The following ASCL5 variants were observed in gnomAD, a reference collection of about 807,000 sequenced individuals.
The protein encoded by ASCL5 is achaete-scute family bHLH transcription factor 5, also known as achaete-scute homolog 5.
For missense variants in ASCL5, 262 were observed against 268.9 expected, an observed-to-expected ratio of 0.97 and a Z score of 0.18; for synonymous variants, 124 against 131.5, an observed-to-expected ratio of 0.94 and a Z score of 0.39.
At chr1:201,121,943 C>T (rs1470965936) in intron 1 of ASCL5, among the ~76,000 whole-genome samples, 1 of 152,204 alleles carries the variant, frequency 6.6e-6, no homozygotes, top group Non-Finnish European at 1.5e-5. Flanking sequence ...CTCACCACCC[C>T]CACCATATAC....
intron 1 of ASCL5, among the ~76,000 whole-genome samples, chr1:201,125,255 A>G (rs1009991564): frequency 6.6e-6 from 1 of 152,174 alleles, no homozygotes; most frequent in Non-Finnish European, 1.5e-5. Context: ...AGTGCTCAGT[A>G]ATCAACAGCT....
intron 1 of ASCL5, among the ~76,000 whole-genome samples, chr1:201,124,698 C>A (rs1034608302): frequency 6.6e-6 from 1 of 152,176 alleles, no homozygotes; most frequent in African/African-American, 2.4e-5. Flanking sequence ...GGAGGGGAGA[C>A]GGTGCCCGTA....
At chr1:201,122,254 C>A (rs536713492) in intron 1 of ASCL5, among the ~76,000 whole-genome samples, 534 of 152,326 alleles carry the variant, frequency 3.5e-3, no homozygotes, top group Non-Finnish European at 5.5e-3. Context: ...GGTTTGGAAA[C>A]CTCTGTTGCT....
At chr1:201,122,795 C>T (rs774933965) in intron 1 of ASCL5, among the ~76,000 whole-genome samples, 2 of 152,116 alleles carry the variant, frequency 1.3e-5, no homozygotes, top group Non-Finnish European at 2.9e-5. Flanking sequence ...ACCCTGAGCA[C>T]GGGCTTTAGA....
chr1:201,121,377 T>TG (rs899788639), intron 1 of ASCL5, among the ~76,000 whole-genome samples: 4 of 152,064 alleles, frequency 2.6e-5, no homozygotes, highest in African/African-American at 9.7e-5. Flanking sequence ...GAGGCCGAGG[T>TG]GGGGGGATCG....
At chr1:201,117,857 A>G in intron 1 of ASCL5, among the ~76,000 whole-genome samples, 1 of 152,126 alleles carries the variant, frequency 6.6e-6, no homozygotes. Flanking sequence ...CTCAGGTAAC[A>G]CCTATCAGTC....
At chr1:201,121,386 C>T (rs778380737) in intron 1 of ASCL5, among the ~76,000 whole-genome samples, 1 of 152,116 alleles carries the variant, frequency 6.6e-6, no homozygotes, top group African/African-American at 2.4e-5. Context: ...GTGGGGGGAT[C>T]GCTTGAGCCC....
At position 201,114,909 on chromosome 1, in the gene ASCL5, G is replaced by A; in HGVS notation, c.464C>T (p.Pro155Leu). ...GSTPPASRGL[P>L]GTGPCPAPPA... ...CGGCGCGGGGCAGGGCCCGGTGCCC[G>A]GGAGGCCGCGGGAAGCGGGGGGCGT... Residue 155 changes from proline (P) to leucine (L), a missense_variant, in exon 2 of 2, where the codon CCG (proline) becomes CTG (leucine). Physicochemically the swap from Pro to Leu is moderately conservative, Grantham distance 98. Coordinates refer to ENST00000449188, the MANE Select transcript of ASCL5 (RefSeq NM_001270601.2). 1.6e-6 allele frequency: 2 copies of A among 1,230,262 alleles called. No homozygotes were observed. Among genetic ancestry groups the A allele is most frequent in the Non-Finnish European group, 2.0e-6 (2 of 986,976 alleles). The allele number at this position is 1,230,262 out of a possible 1,614,324, so 76.2% of individuals were successfully genotyped here.
At chr1:201,122,417 A>G (rs1426572745) in intron 1 of ASCL5, among the ~76,000 whole-genome samples, 1 of 152,186 alleles carries the variant, frequency 6.6e-6, no homozygotes, top group African/African-American at 2.4e-5. Context: ...CGCGTGGATT[A>G]GGTGCCCTCT....
chr1:201,124,225 G>C (rs930469517), intron 1 of ASCL5, among the ~76,000 whole-genome samples: 3 of 152,234 alleles, frequency 2.0e-5, no homozygotes, highest in African/African-American at 7.2e-5. Context: ...AGAAATTCAA[G>C]CTGTGCCTGA....
intron 1 of ASCL5, among the ~76,000 whole-genome samples, chr1:201,124,383 T>A (rs1170785271): frequency 6.6e-6 from 1 of 152,164 alleles, no homozygotes; most frequent in Non-Finnish European, 1.5e-5. Flanking sequence ...ACACCCATCG[T>A]CATTGTTGTC....
chr1:201,126,714 C>A (rs11802084), intron 1 of ASCL5, among the ~76,000 whole-genome samples: 6,764 of 152,290 alleles, frequency 0.044, 200 homozygotes, highest in East Asian at 0.14. Context: ...CGGGCCATCT[C>A]TCCTGTGGCC....
intron 1 of ASCL5, among the ~76,000 whole-genome samples, chr1:201,124,376 C>T (rs532072971): frequency 6.6e-6 from 1 of 152,316 alleles, no homozygotes; most frequent in South Asian, 2.1e-4. Context: ...GAACCACACA[C>T]CCATCGTCAT....
chr1:201,121,932 C>A (rs1389418389), intron 1 of ASCL5, among the ~76,000 whole-genome samples: 1 of 152,152 alleles, frequency 6.6e-6, no homozygotes. Context: ...AGAAGGATAA[C>A]CTCACCACCC....
intron 1 of ASCL5, among the ~76,000 whole-genome samples, chr1:201,125,333 C>T (rs1663559903): frequency 6.6e-6 from 1 of 152,164 alleles, no homozygotes; most frequent in Non-Finnish European, 1.5e-5. Flanking sequence ...ACATTCTTTT[C>T]CCCCATATCC....
At chr1:201,126,206 G>A (rs1286226201) in intron 1 of ASCL5, among the ~76,000 whole-genome samples, 1 of 151,874 alleles carries the variant, frequency 6.6e-6, no homozygotes, top group Non-Finnish European at 1.5e-5. Flanking sequence ...GACGATCATA[G>A]CTCACTGTAA....
intron 1 of ASCL5, among the ~76,000 whole-genome samples, chr1:201,121,094 C>T (rs533083405): frequency 6.6e-6 from 1 of 152,336 alleles, no homozygotes; most frequent in South Asian, 2.1e-4. Context: ...CCCCGCATTT[C>T]CCTCCTTGGA....
At chr1:201,124,395 C>T (rs1572086640) in intron 1 of ASCL5, among the ~76,000 whole-genome samples, 1 of 152,216 alleles carries the variant, frequency 6.6e-6, no homozygotes, top group East Asian at 1.9e-4. Context: ...ATTGTTGTCT[C>T]CTCCCTGGCC....
In ASCL5 at chr1:201,114,721, T is replaced by C. The variant is rs1572083151; in HGVS notation, c.*31A>G. The C allele has an allele frequency of 8.1e-7, 1 of 1,229,830 alleles. No individual in the cohort carries two copies. Among genetic ancestry groups the C allele is most frequent in the Non-Finnish European group, 1.0e-6 (1 of 986,854 alleles). The allele number at this position is 1,229,830 out of a possible 1,614,324, so 76.2% of individuals were successfully genotyped here. A position where few individuals can be genotyped will look rare whatever the true frequency, so the allele number is the denominator to read the frequency against. ...AAAGTGGGACGGGGCCGGCGGATCA[T>C]CCTCCAAGCCGGGGGCGGCCACAGG... On this transcript the variant is annotated 3_prime_UTR_variant, in exon 2 of 2. Transcript: ENST00000449188.
Sources: gnomAD v4.1 joint callset for allele counts (sites outside exome capture counted in the v4.1 genomes callset) on GRCh38, gnomAD v4.1.1 for gene constraint, MANE v1.5 for transcripts, NCBI Gene and HGNC (gene_info 2026-07-23, HGNC 2026-07-21) for gene names.